Variants in GAPVD1 observed in about 807,000 individuals in gnomAD.
GAPVD1 encodes GTPase-activating protein and VPS9 domain-containing protein 1.
A neutral mutation model predicts 155.5 loss-of-function variants in GAPVD1; 35 were observed. The ratio of observed to expected loss-of-function variants is 0.23; its 90% CI spans 0.17 to 0.30. The LOEUF (loss-of-function observed/expected upper bound fraction) is 0.30, where lower values mean the gene tolerates loss of function less well. Among genes scored for constraint, GAPVD1 ranks in the 10% least tolerant of loss-of-function variants. GAPVD1 has a pLI of 1.00. For missense variants in GAPVD1, 1,429 were observed against 1,775.7 expected, an observed-to-expected ratio of 0.80 and a Z score of 3.51; for synonymous variants, 636 against 619.7, an observed-to-expected ratio of 1.03 and a Z score of -0.39.
chr9:125,263,116 A>G (rs150825581), intron 1 of GAPVD1, among the ~76,000 whole-genome samples: 1 of 152,234 alleles, frequency 6.6e-6, no homozygotes, highest in Non-Finnish European at 1.5e-5. Context: ...TTAATTATGC[A>G]CTTAAAAGAA....
chr9:125,265,700 C>T (rs1397246724), intron 1 of GAPVD1, among the ~76,000 whole-genome samples: 6 of 3,028 alleles, frequency 2.0e-3, no homozygotes, highest in African/African-American at 9.0e-3. Flanking sequence ...TGTGAGCCAC[C>T]GCGCCCGGCC....
chr9:125,324,712 C>T (rs1284005108), intron 11 of GAPVD1, among the ~76,000 whole-genome samples: 4 of 152,008 alleles, frequency 2.6e-5, no homozygotes, highest in Non-Finnish European at 4.4e-5. Flanking sequence ...ATAAGCAAGT[C>T]AAAGAGGTGG....
At chr9:125,356,083 G>A (rs763226434) in intron 25 of GAPVD1, among the ~76,000 whole-genome samples, 7 of 152,170 alleles carry the variant, frequency 4.6e-5, no homozygotes, top group African/African-American at 7.2e-5. Flanking sequence ...TAGCCTCTTT[G>A]GAAAGCACTG....
At chr9:125,334,535 C>G (rs1442880887) in intron 15 of GAPVD1, among the ~76,000 whole-genome samples, 1 of 152,014 alleles carries the variant, frequency 6.6e-6, no homozygotes, top group Non-Finnish European at 1.5e-5. Context: ...ATTATTTTTA[C>G]TTGGAAGAAT....
In GAPVD1 at chr9:125,337,308, G is replaced by A. The variant is rs1210551486; in HGVS notation, c.2594G>A (p.Gly865Glu). 3 of 1,614,208 alleles carry A rather than the reference G, an allele frequency of 1.9e-6. No homozygotes were observed. The highest frequency in any genetic ancestry group is 2.5e-6 in the Non-Finnish European group (3 of 1,180,046). The part of the protein sequence containing the change: ...PDPPILEGAV[G>E]GNEARLPNFG... ...CCCCCAATCCTGGAAGGAGCTGTGG[G>A]AGGAAATGAGGCCAGGTTGCCAAAC... The change falls in exon 17 of 28, where the codon GGA becomes GAA. Residue 865 changes from glycine (G) to glutamate (E), a missense_variant. By Grantham distance (98) the Gly-to-Glu change is moderately conservative. Around this residue, in one of 4 missense-constraint regions of GAPVD1, gnomAD observed 699 missense variants for 826.0 expected, o/e 0.85. Coordinates refer to ENST00000297933, the MANE Select transcript of GAPVD1 (RefSeq NM_001282680.3).
intron 2 of GAPVD1, among the ~76,000 whole-genome samples, chr9:125,270,048 A>C (rs527379349): frequency 6.6e-6 from 1 of 152,118 alleles, no homozygotes; most frequent in Non-Finnish European, 1.5e-5. Flanking sequence ...ACTAGGACCA[A>C]TAATTTTTTT....
At chr9:125,295,266 T>A (rs550107385) in intron 2 of GAPVD1, among the ~76,000 whole-genome samples, 192 bp from the exon 3 acceptor site, 42 of 152,238 alleles carry the variant, frequency 2.8e-4, no homozygotes, top group Non-Finnish European at 4.6e-4. Flanking sequence ...TACTTTTCTG[T>A]TGTCTTCAGT....
Position 125,319,183 on chromosome 9 carries a change from T to C in GAPVD1, c.1603-2250T>C, listed in dbSNP as rs1055083215. On this transcript the variant is annotated intron_variant, in intron 9 of 27. Transcript: ENST00000297933. ...AGATTGAGACTCTGTCTCAAAAATA[T>C]AATAATAATAATAATAATACGAAGA... Among the ~76,000 whole-genome samples, 4 of 125,066 alleles carry C rather than the reference T, an allele frequency of 3.2e-5. No individual in the cohort carries two copies. In the Admixed American group the frequency reaches 3.5e-4, roughly 11 times the overall value. The allele number at this position is 125,066 out of a possible 152,430, so 82.0% of individuals were successfully genotyped here. A position where few individuals can be genotyped will look rare whatever the true frequency, so the allele number is the denominator to read the frequency against.
chr9:125,264,987 A>G (rs117310073), intron 1 of GAPVD1, among the ~76,000 whole-genome samples: 2,091 of 151,984 alleles, frequency 0.014, 105 homozygotes, highest in East Asian at 0.089. Flanking sequence ...CCAGAGTGCT[A>G]GGATTATTGG....
chr9:125,332,125 A>G, intron 14 of GAPVD1, 65 bp downstream of exon 14: 1 of 1,411,958 alleles, frequency 7.1e-7, no homozygotes, highest in Admixed American at 2.0e-5. Flanking sequence ...CCTCCTATTT[A>G]TAAAGTTGAT....
intron 2 of GAPVD1, among the ~76,000 whole-genome samples, chr9:125,287,393 C>T (rs1837875719): frequency 1.3e-5 from 2 of 152,078 alleles, no homozygotes; most frequent in African/African-American, 4.8e-5. Flanking sequence ...CAAAAATTAG[C>T]TGGGCATGGT....
Position 125,302,387 on chromosome 9 carries a change from C to T in GAPVD1, c.590C>T (p.Thr197Ile). Reference protein sequence around the residue: ...EGLFSAKLFLTATLHEPIMQL... With the variant: ...EGLFSAKLFLIATLHEPIMQL... ...CTGTTTTCTGCCAAACTTTTCCTCA[C>T]AGCCACTTTACATGAGCCAATTATG... is the stretch of plus-strand genomic sequence containing the variant. Residue 197 changes from threonine (T) to isoleucine (I), a missense_variant, in exon 5 of 28, where the codon ACA (threonine) becomes ATA (isoleucine). By Grantham distance (89) the Thr-to-Ile change is moderately conservative. Coordinates refer to ENST00000297933, the MANE Select transcript of GAPVD1 (RefSeq NM_001282680.3). 1 of 1,614,084 alleles carries T rather than the reference C, an allele frequency of 6.2e-7. No individual in the cohort carries two copies. The highest frequency in any genetic ancestry group is 8.5e-7 in the Non-Finnish European group (1 of 1,180,000).
chr9:125,347,048 T>C, intron 20 of GAPVD1, 107 bp downstream of exon 20: 1 of 1,071,608 alleles, frequency 9.3e-7, no homozygotes, highest in Non-Finnish European at 1.4e-6. Context: ...GGGAGTCAGT[T>C]TACTACCTCA....
Position 125,302,256 on chromosome 9 carries a change from G to A in GAPVD1, c.459G>A (p.Leu153=). The change falls in exon 5 of 28, where the codon TTG becomes TTA. Residue 153 remains leucine, a synonymous_variant. Coordinates refer to ENST00000297933, the MANE Select transcript of GAPVD1 (RefSeq NM_001282680.3). ...ATGAAAGCTACCTCCTTCAGGTTTT[G>A]CGATACTTGATTGAATTTGAACTTA... The part of the protein sequence containing the change: ...QEDESYLLQV[L]RYLIEFELKE... 1 of 1,614,116 alleles carries A rather than the reference G, an allele frequency of 6.2e-7. No homozygotes were observed. The highest frequency in any genetic ancestry group is 8.5e-7 in the Non-Finnish European group (1 of 1,180,010).
chr9:125,269,885 T>A (rs1834605419), intron 2 of GAPVD1, among the ~76,000 whole-genome samples: 2 of 151,220 alleles, frequency 1.3e-5, no homozygotes, highest in Admixed American at 1.3e-4. Context: ...GTCCAGCTAA[T>A]TTTTTTTATT....
rs993297979 is a variant in GAPVD1, at chr9:125,366,677, C to T, written c.*3931C>T. 1 of 152,098 alleles carries T rather than the reference C, an allele frequency of 6.6e-6. No individual in the cohort carries two copies. Among genetic ancestry groups the T allele is most frequent in the Non-Finnish European group, 1.5e-5 (1 of 68,016 alleles). 9.4% of individuals were successfully genotyped at this position (152,098 alleles called of 1,614,324 possible). ...TGGATTAACAGTGATGAGGTATTTGCGATTACTTTAAATGCCAAAATGCTT... is the reference window on the plus strand; with the variant it reads ...TGGATTAACAGTGATGAGGTATTTGTGATTACTTTAAATGCCAAAATGCTT... On this transcript the variant is annotated 3_prime_UTR_variant, in exon 28 of 28. Transcript: ENST00000297933.
At position 125,360,509 on chromosome 9, in the gene GAPVD1, T is replaced by G; in HGVS notation, c.4045-19T>G. The stretch of plus-strand genomic sequence containing the variant: ...GCCACTGGATTCAGAATCTGTATAT[T>G]GTCTATGGTCTCACTTAGGTTTATC... On this transcript the variant is annotated intron_variant, in intron 26 of 27. Coordinates refer to ENST00000297933, the MANE Select transcript of GAPVD1 (RefSeq NM_001282680.3). 1.9e-6 allele frequency: 3 copies of G among 1,604,958 alleles called. No individual in the cohort carries two copies. In the South Asian group the frequency reaches 3.3e-5, roughly 18 times the overall value.
intron 2 of GAPVD1, among the ~76,000 whole-genome samples, chr9:125,292,282 G>A (rs1213060910): frequency 6.6e-6 from 1 of 152,000 alleles, no homozygotes; most frequent in East Asian, 1.9e-4. Flanking sequence ...GAAACACAAA[G>A]CTGTTTAGAG....
intron 9 of GAPVD1, among the ~76,000 whole-genome samples, chr9:125,317,361 C>T (rs1411083553): frequency 1.3e-5 from 2 of 150,914 alleles, no homozygotes; most frequent in African/African-American, 4.9e-5. Flanking sequence ...GGCGGTGGCT[C>T]ACGCCTGTAA....
Sources: allele counts gnomAD v4.1 joint callset (sites outside exome capture counted in the v4.1 genomes callset), GRCh38; gene constraint gnomAD v4.1.1; regional missense constraint gnomAD v4.1.1; transcripts MANE v1.5; gene names NCBI Gene and HGNC (gene_info 2026-07-23, HGNC 2026-07-21).